CTBP2: variants seen among roughly 807,000 people sequenced by gnomAD.
CTBP2 encodes C-terminal binding protein 2.
CTBP2 carries 30 observed loss-of-function variants against 80.3 expected under a neutral mutation model. The observed-to-expected ratio is 0.37, with a 90% CI of 0.28 to 0.51. CTBP2 has a LOEUF of 0.51. CTBP2 is among the 20% of genes least tolerant of loss of function. The probability of loss-of-function intolerance (pLI) is 0.93; values close to 1 mark genes in which losing one functional copy is unlikely to be tolerated. For missense variants in CTBP2, 1,212 were observed against 1,375.3 expected, an observed-to-expected ratio of 0.88 and a Z score of 1.88; for synonymous variants, 594 against 587.4, an observed-to-expected ratio of 1.01 and a Z score of -0.16.
intron 3 of CTBP2, chr10:124,999,476 G>A (rs1011467199): frequency 1.3e-5 from 2 of 152,320 alleles, no homozygotes; most frequent in Non-Finnish European, 2.9e-5. Context: ...CCACTTTCTA[G>A]ATGGCTGCGT....
intron 1 of CTBP2, among the ~76,000 whole-genome samples, chr10:125,018,868 C>T (rs942533818): frequency 6.6e-6 from 1 of 152,250 alleles, no homozygotes; most frequent in African/African-American, 2.4e-5. Flanking sequence ...GTGAAGCACA[C>T]CCAGGGTGCT....
intron 1 of CTBP2, among the ~76,000 whole-genome samples, chr10:125,112,574 G>A (rs552457876): frequency 2.1e-4 from 32 of 152,074 alleles, no homozygotes; most frequent in African/African-American, 7.5e-4. Flanking sequence ...GATTACAGGC[G>A]CATGCCACCA....
chr10:125,072,133 G>C, intron 2 of CTBP2, among the ~76,000 whole-genome samples: 1 of 152,158 alleles, frequency 6.6e-6, no homozygotes, highest in East Asian at 1.9e-4. Context: ...CCAATATGGT[G>C]AAACCCCATC....
In CTBP2 at chr10:125,146,282, A is replaced by ATT. The variant is rs34558482; in HGVS notation, c.-206+14035_-206+14036dup. Among the ~76,000 whole-genome samples, 6 of 136,524 alleles carry ATT rather than the reference A, an allele frequency of 4.4e-5. No individual in the cohort carries two copies. The South Asian group carries it at 6.8e-4, about 15-fold the overall frequency. 89.6% of individuals were successfully genotyped at this position (136,524 alleles called of 152,430 possible). On this transcript the variant is annotated intron_variant, in intron 1 of 10. Coordinates refer to the CTBP2 transcript ENST00000337195. ...GCCACCATGCCCGGCCCTAAGTGAG[A>ATT]TTTTTTTTTTTTTTTGGAGACAGCG...
intron 2 of CTBP2, among the ~76,000 whole-genome samples, chr10:125,103,650 T>C (rs987963349): frequency 1.3e-5 from 2 of 152,114 alleles, no homozygotes; most frequent in Non-Finnish European, 2.9e-5. Flanking sequence ...CAAAGTGGCC[T>C]CGAGCAGCTG....
At chr10:125,119,113 T>C (rs1468195423) in intron 1 of CTBP2, among the ~76,000 whole-genome samples, 1 of 152,174 alleles carries the variant, frequency 6.6e-6, no homozygotes. Context: ...ACACCTGATC[T>C]AACAAGGGCC....
At chr10:125,110,379 T>C (rs1271548575) in intron 2 of CTBP2, among the ~76,000 whole-genome samples, 1 of 152,216 alleles carries the variant, frequency 6.6e-6, no homozygotes, top group Non-Finnish European at 1.5e-5. Flanking sequence ...CCCAAAACCC[T>C]GCTACGGGCA....
At position 125,026,268 on chromosome 10, in the gene CTBP2, C is replaced by T. The variant is rs1391690279; in HGVS notation, c.1492G>A (p.Ala498Thr). The T allele has an allele frequency of 6.2e-7, 1 of 1,613,834 alleles. No homozygotes were observed. The highest frequency in any genetic ancestry group is 1.1e-5 in the South Asian group (1 of 91,084). ...TGAGGGCTGGGCAGCGGAGAGGCGGCCACGTTGCGCTCCCTCTTTAGCAGC... is the reference window on the plus strand; with the variant it reads ...TGAGGGCTGGGCAGCGGAGAGGCGGTCACGTTGCGCTCCCTCTTTAGCAGC... The change falls in exon 1 of 9, where the codon GCC (alanine) becomes ACC (threonine). Residue 498 changes from alanine to threonine, a missense_variant. Ala to Thr is a moderately conservative substitution (Grantham distance 58). Around this residue, in one of 3 missense-constraint regions of CTBP2, gnomAD observed 848 missense variants for 782.3 expected, o/e 1.08. Coordinates refer to ENST00000309035, the MANE Select transcript of CTBP2 (RefSeq NM_022802.3).
intron 1 of CTBP2, among the ~76,000 whole-genome samples, chr10:125,111,825 G>T (rs1215411411): frequency 6.6e-6 from 1 of 152,206 alleles, no homozygotes; most frequent in Non-Finnish European, 1.5e-5. Context: ...TCCTTCTGCG[G>T]CTGATGGGGA....
intron 1 of CTBP2, among the ~76,000 whole-genome samples, chr10:125,134,953 C>A (rs898038112): frequency 6.7e-6 from 1 of 149,332 alleles, no homozygotes; most frequent in Non-Finnish European, 1.5e-5. Context: ...ATACTAGAAC[C>A]CACGTTCATC....
chr10:125,137,021 G>A (rs1178017908), intron 1 of CTBP2, among the ~76,000 whole-genome samples: 6 of 152,150 alleles, frequency 3.9e-5, no homozygotes, highest in Non-Finnish European at 7.3e-5. Flanking sequence ...TGACATCACC[G>A]CCGAAAACGA....
rs145665070 is a variant in CTBP2 at position 125,076,591 on chromosome 10, C to T, written c.-102+34399G>A. Among the ~76,000 whole-genome samples the T allele has an allele frequency of 4.4e-3, 663 of 152,300 alleles. 4 individuals carry two copies. Among genetic ancestry groups the T allele is most frequent in the African/African-American group, 0.014 (597 of 41,560 alleles). ...AGCACCTGGGACTTGAGAGGCAGCG[C>T]GCCTCTCCACGCAGCACAGACTTCA... On this transcript the variant is annotated intron_variant, in intron 2 of 10. Transcript: ENST00000337195.
intron 1 of CTBP2, among the ~76,000 whole-genome samples, chr10:125,019,202 C>T (rs1956813473): frequency 6.6e-6 from 1 of 152,140 alleles, no homozygotes; most frequent in Non-Finnish European, 1.5e-5. Flanking sequence ...CTAGAAAGCC[C>T]TTTGTTGAAG....
chr10:125,027,323 G>A lies in CTBP2; in HGVS notation c.437C>T (p.Thr146Met), dbSNP rs751169188. 20 of 1,613,636 alleles carry A rather than the reference G, an allele frequency of 1.2e-5. No individual in the cohort carries two copies. The East Asian group carries it at 2.7e-4, about 22-fold the overall frequency. Residue 146 changes from threonine (T) to methionine (M), a missense_variant, in exon 1 of 9, where the codon ACG becomes ATG. Thr to Met is a moderately conservative substitution (Grantham distance 81). Coordinates refer to ENST00000309035, the MANE Select transcript of CTBP2 (RefSeq NM_022802.3). ...CCGGCCTTGCATTGGATCCCATGACGTTCTGCTGCCAAGCACTCCGTAGCT... is the reference window on the plus strand; with the variant it reads ...CCGGCCTTGCATTGGATCCCATGACATTCTGCTGCCAAGCACTCCGTAGCT...
intron 3 of CTBP2, chr10:125,000,270 C>T (rs956706649): frequency 6.6e-6 from 1 of 152,122 alleles, no homozygotes; most frequent in African/African-American, 2.4e-5. Context: ...ACCGCTCTCT[C>T]GGAGGGAGCA....
chr10:125,094,834 G>A (rs1296142653), intron 2 of CTBP2, among the ~76,000 whole-genome samples: 3 of 151,374 alleles, frequency 2.0e-5, no homozygotes, highest in Non-Finnish European at 2.9e-5. Context: ...TAGAAATGCT[G>A]AGAAATGGCT....
chr10:125,111,633 AT>A (rs1852307311), intron 1 of CTBP2, among the ~76,000 whole-genome samples: 1 of 152,242 alleles, frequency 6.6e-6, no homozygotes, highest in African/African-American at 2.4e-5. Flanking sequence ...TAAGAATTCA[AT>A]CCTAATGTTC....
At chr10:125,046,969 G>T (rs906704576) in intron 2 of CTBP2, among the ~76,000 whole-genome samples, 1 of 152,214 alleles carries the variant, frequency 6.6e-6, no homozygotes, top group Non-Finnish European at 1.5e-5. Flanking sequence ...TGAGCAGAAA[G>T]AATTTGTGAT....
intron 3 of CTBP2, among the ~76,000 whole-genome samples, chr10:125,036,934 A>T (rs535610470): frequency 1.3e-5 from 2 of 152,268 alleles, no homozygotes; most frequent in South Asian, 4.2e-4. Context: ...TATACATAGG[A>T]GGAGCACCAA....
Sources: allele counts gnomAD v4.1 joint callset (sites outside exome capture counted in the v4.1 genomes callset), GRCh38; gene constraint gnomAD v4.1.1; regional missense constraint gnomAD v4.1.1; transcripts MANE v1.5; gene names NCBI Gene and HGNC (gene_info 2026-07-23, HGNC 2026-07-21).